The following CXCR1 variants were observed in gnomAD, a reference collection of about 807,000 sequenced individuals.
CXCR1 encodes C-X-C motif chemokine receptor 1.
For missense variants in CXCR1, 419 were observed against 440.5 expected, an observed-to-expected ratio of 0.95 and a Z score of 0.44; for synonymous variants, 180 against 184.7, an observed-to-expected ratio of 0.97 and a Z score of 0.21.
At chr2:218,166,291 A>G (rs1328983070) in intron 1 of CXCR1, among the ~76,000 whole-genome samples, 1 of 152,176 alleles carries the variant, frequency 6.6e-6, no homozygotes, top group Non-Finnish European at 1.5e-5. Context: ...CAAAAAAATT[A>G]GCTGGGTGTG....
chr2:218,166,314 T>C (rs1691283034), intron 1 of CXCR1, among the ~76,000 whole-genome samples: 1 of 152,130 alleles, frequency 6.6e-6, no homozygotes, highest in Non-Finnish European at 1.5e-5. Context: ...GGCGTGCACC[T>C]GTAATCCCAA....
At position 218,164,084 on chromosome 2, in the gene CXCR1, T is replaced by G; in HGVS notation, c.*75A>C. On this transcript the variant is annotated 3_prime_UTR_variant, in exon 2 of 2. Coordinates refer to ENST00000295683, the MANE Select transcript of CXCR1 (RefSeq NM_000634.3). ...CAGATAGTGCCTGTCCAGAGCCAGA[T>G]CACCTTCCACACACAACCTCAGGGT... 1 of 1,569,276 alleles carries G rather than the reference T, an allele frequency of 6.4e-7. No homozygotes were observed. The highest frequency in any genetic ancestry group is 1.9e-4 in the Middle Eastern group (1 of 5,250).
At position 218,163,705 on chromosome 2, in the gene CXCR1, C is replaced by A. The variant is rs1691229053; in HGVS notation, c.*454G>T. ...ACACCTGAGATGGGAAAACCACCCCCCTGAGCTCGGATCAGAGCACACAGA... is the reference window on the plus strand; with the variant it reads ...ACACCTGAGATGGGAAAACCACCCCACTGAGCTCGGATCAGAGCACACAGA... On this transcript the variant is annotated 3_prime_UTR_variant, in exon 2 of 2. Coordinates refer to ENST00000295683, the MANE Select transcript of CXCR1 (RefSeq NM_000634.3). 1 of 188,990 alleles carries A rather than the reference C, an allele frequency of 5.3e-6. No homozygotes were observed. The highest frequency in any genetic ancestry group is 1.2e-5 in the Non-Finnish European group (1 of 86,858). The allele number at this position is 188,990 out of a possible 1,614,324, so 11.7% of individuals were successfully genotyped here.
intron 1 of CXCR1, 139 bp from the exon 2 acceptor site, chr2:218,165,383 T>G: frequency 1.4e-6 from 1 of 689,830 alleles, no homozygotes; most frequent in South Asian, 1.7e-5. Context: ...CTCCTTTGAC[T>G]CCAACCTGGT....
chr2:218,165,245 C>G lies in CXCR1; in HGVS notation c.-33-1G>C. On this transcript the variant is annotated splice_acceptor_variant, in intron 1 of 1. Coordinates refer to ENST00000295683, the MANE Select transcript of CXCR1 (RefSeq NM_000634.3). LOFTEE classifies it low-confidence loss of function (5UTR_SPLICE). ...CAGTTTCAGCAATGGTTTGATCTAA[C>G]TGGAAGGTTAGAAGGAAGGAAATGT... The G allele has an allele frequency of 6.3e-7, 1 of 1,598,676 alleles. No homozygotes were observed. Among genetic ancestry groups the G allele is most frequent in the Non-Finnish European group, 8.6e-7 (1 of 1,167,744 alleles).
rs1691252748 is a variant in CXCR1, at chr2:218,164,753, G to C, written c.459C>G (p.Val153=). 6.2e-7 allele frequency: 1 copy of C among 1,614,252 alleles called. No individual in the cohort carries two copies. The highest frequency in any genetic ancestry group is 1.1e-5 in the South Asian group (1 of 91,084). Residue 153 remains valine, a synonymous_variant, in exon 2 of 2, where the codon GTC becomes GTG. Coordinates refer to ENST00000295683, the MANE Select transcript of CXCR1 (RefSeq NM_000634.3). The part of the protein sequence containing the change: ...TRTLTQKRHL[V]KFVCLGCWGL... ...CCCAGCAGCCAAGACAAACAAACTT[G>C]ACCAAGTGACGCTTCTGGGTCAGTG...
Position 218,164,159 on chromosome 2 carries a change from T to G in CXCR1, c.1053A>C (p.Ter351CysextTer25). 1 of 1,614,020 alleles carries G rather than the reference T, an allele frequency of 6.2e-7. No individual in the cohort carries two copies. Among genetic ancestry groups the G allele is most frequent in the Non-Finnish European group, 8.5e-7 (1 of 1,180,018 alleles). The change falls in exon 2 of 2, where the codon TGA becomes TGC. Residue 351 changes from the stop codon to cysteine (C), a stop_lost. Transcript: ENST00000295683. Reference protein sequence around the residue: ...SSSVNVSSNL* With the variant: ...SSSVNVSSNLC The stretch of plus-strand genomic sequence containing the variant: ...AGAGATATTCCTTCATCGATGGTTT[T>G]CAGAGGTTGGAAGAGACATTGACAG...
chr2:218,164,385 C>T lies in CXCR1; in HGVS notation c.827G>A (p.Ser276Asn). 6.2e-7 allele frequency: 1 copy of T among 1,613,444 alleles called. No individual in the cohort carries two copies. Among genetic ancestry groups the T allele is most frequent in the Middle Eastern group, 1.7e-4 (1 of 6,056 alleles). ...GCCGATGTTGTTGCGGCGCTCACAG[C>T]TCTCCTGGATCACCTGGGTCCTCAT... ...TLMRTQVIQE[S>N]CERRNNIGRA... The change falls in exon 2 of 2, where the codon AGC becomes AAC. Residue 276 changes from serine to asparagine, a missense_variant. Ser to Asn is a conservative substitution (Grantham distance 46). Coordinates refer to ENST00000295683, the MANE Select transcript of CXCR1 (RefSeq NM_000634.3).
chr2:218,163,961 T>G lies in CXCR1; in HGVS notation c.*198A>C, dbSNP rs1397548290. 1 of 634,994 alleles carries G rather than the reference T, an allele frequency of 1.6e-6. No homozygotes were observed. Among genetic ancestry groups the G allele is most frequent in the Non-Finnish European group, 2.8e-6 (1 of 356,918 alleles). 39.3% of individuals were successfully genotyped at this position (634,994 alleles called of 1,614,324 possible). On this transcript the variant is annotated 3_prime_UTR_variant, in exon 2 of 2. Transcript: ENST00000295683. ...GTTTCCATGGAGGTGCAAAGGCCGG[T>G]CCTTGGAGGTACCTCAACAGCTCCT... is the stretch of plus-strand genomic sequence containing the variant.
chr2:218,166,477 T>C (rs950450929), intron 1 of CXCR1, among the ~76,000 whole-genome samples: 4 of 152,090 alleles, frequency 2.6e-5, no homozygotes, highest in African/African-American at 9.7e-5. Flanking sequence ...CTCATGACCT[T>C]GAGTGGGGTC....
At chr2:218,165,328 A>T (rs1205009443) in intron 1 of CXCR1, 84 bp from the exon 2 acceptor site, 1 of 1,048,762 alleles carries the variant, frequency 9.5e-7, no homozygotes, top group Non-Finnish European at 1.5e-6. Flanking sequence ...AGTTACTGGG[A>T]TATCCTTGGC....
intron 1 of CXCR1, among the ~76,000 whole-genome samples, chr2:218,165,988 G>A (rs1204201036): frequency 6.6e-6 from 1 of 152,162 alleles, no homozygotes; most frequent in Admixed American, 6.6e-5. Context: ...ATGTGAAGCA[G>A]ATAAAAGCTG....
In CXCR1 at chr2:218,163,929, G is replaced by A; in HGVS notation, c.*230C>T. 1 of 560,962 alleles carries A rather than the reference G, an allele frequency of 1.8e-6. No individual in the cohort carries two copies. Among genetic ancestry groups the A allele is most frequent in the Non-Finnish European group, 3.2e-6 (1 of 310,446 alleles). 34.7% of individuals were successfully genotyped at this position (560,962 alleles called of 1,614,324 possible). A position where few individuals can be genotyped will look rare whatever the true frequency, so the allele number is the denominator to read the frequency against. ...GATGTGACGTTCAACGGGAATGATG[G>A]TGCTTCGTTTCCATGGAGGTGCAAA... is the stretch of plus-strand genomic sequence containing the variant. On this transcript the variant is annotated 3_prime_UTR_variant, in exon 2 of 2. Transcript: ENST00000295683.
Position 218,164,902 on chromosome 2 carries a change from T to C in CXCR1, c.310A>G (p.Ile104Val). The change falls in exon 2 of 2, where the codon ATT becomes GTT. Residue 104 changes from isoleucine to valine, a missense_variant. By Grantham distance (29) the Ile-to-Val change is conservative. Coordinates refer to ENST00000295683, the MANE Select transcript of CXCR1 (RefSeq NM_000634.3). ...ACCTTGCACAGGAATGTGCCAAAAATCCAGCCATTCACCTTGGAGGCGGCC... is the reference window on the plus strand; with the variant it reads ...ACCTTGCACAGGAATGTGCCAAAAACCCAGCCATTCACCTTGGAGGCGGCC... Reference protein sequence around the residue: ...IWAASKVNGWIFGTFLCKVVS... With the variant: ...IWAASKVNGWVFGTFLCKVVS... 6.2e-7 allele frequency: 1 copy of C among 1,614,128 alleles called. No homozygotes were observed.
In CXCR1 at chr2:218,164,363, G is replaced by A. The variant is rs267599207; in HGVS notation, c.849C>T (p.Ile283=). ...IQESCERRNN[I]GRALDATEIL... ...TCTCAGTGGCATCCAGGGCCCGGCC[G>A]ATGTTGTTGCGGCGCTCACAGCTCT... Residue 283 remains isoleucine (I), a synonymous_variant, in exon 2 of 2, where the codon ATC becomes ATT. Transcript: ENST00000295683. The A allele has an allele frequency of 4.6e-5, 75 of 1,613,042 alleles. No homozygotes were observed. The highest frequency in any genetic ancestry group is 3.3e-4 in the Middle Eastern group (2 of 6,082).
chr2:218,166,622 T>G (rs1189388954), intron 1 of CXCR1, among the ~76,000 whole-genome samples: 2 of 152,160 alleles, frequency 1.3e-5, no homozygotes, highest in East Asian at 3.9e-4. Context: ...GTTCCCTCCC[T>G]ACCAGTATTT....
Position 218,165,127 on chromosome 2 carries a change from G to C in CXCR1, c.85C>G (p.Pro29Ala), listed in dbSNP as rs371028807. 18 of 1,614,066 alleles carry C rather than the reference G, an allele frequency of 1.1e-5. No individual in the cohort carries two copies. Among genetic ancestry groups the C allele is most frequent in the Non-Finnish European group, 1.5e-5 (18 of 1,180,040 alleles). Residue 29 changes from proline (P) to alanine (A), a missense_variant, in exon 2 of 2, where the codon CCC becomes GCC. Physicochemically the swap from Pro to Ala is conservative, Grantham distance 27 (BLOSUM62 -1). Coordinates refer to ENST00000295683, the MANE Select transcript of CXCR1 (RefSeq NM_000634.3). ...GMPPADEDYSPCMLETETLNK... is the reference protein window; with the variant it reads ...GMPPADEDYSACMLETETLNK... ...AGTGTCTCAGTTTCTAGCATACAGG[G>C]GCTGTAATCTTCATCTGCAGGTGGC...
intron 1 of CXCR1, 134 bp from the exon 2 acceptor site, chr2:218,165,378 T>C: frequency 1.4e-6 from 1 of 708,320 alleles, no homozygotes; most frequent in Non-Finnish European, 2.5e-6. Flanking sequence ...CCTTCCTCCT[T>C]TGACTCCAAC....
rs747253443 is a variant in CXCR1 at position 218,165,074 on chromosome 2, A to G, written c.138T>C (p.Tyr46=). 2 of 1,614,254 alleles carry G rather than the reference A, an allele frequency of 1.2e-6. No homozygotes were observed. The highest frequency in any genetic ancestry group is 2.2e-5 in the East Asian group (1 of 44,888). The change falls in exon 2 of 2, where the codon TAT becomes TAC. Residue 46 remains tyrosine (Y), a synonymous_variant. Transcript: ENST00000295683. ...TLNKYVVIIA[Y]ALVFLLSLLG... is the part of the protein sequence containing the mutation. ...GCAGGCTCAGCAGGAACACTAGGGC[A>G]TAGGCGATGATCACAACATACTTGT... is the stretch of plus-strand genomic sequence containing the variant.
Sources: allele counts gnomAD v4.1 joint callset (sites outside exome capture counted in the v4.1 genomes callset), GRCh38; gene constraint gnomAD v4.1.1; transcripts MANE v1.5; gene names NCBI Gene and HGNC (gene_info 2026-07-23, HGNC 2026-07-21).